The following GH2 variants were observed in gnomAD, a reference collection of about 807,000 sequenced individuals.
The protein encoded by GH2 is growth hormone variant.
GH2 carries 17 observed loss-of-function variants against 24.1 expected under a neutral mutation model. The ratio of observed to expected loss-of-function variants is 0.71; its 90% confidence interval spans 0.48 to 1.06. The LOEUF (loss-of-function observed/expected upper bound fraction) is 1.06. Among genes scored for constraint, GH2 ranks in the 50% least tolerant of loss-of-function variants. The pLI is 0.00. For missense variants in GH2, 305 were observed against 273.1 expected, an observed-to-expected ratio of 1.12 and a Z score of -0.82; for synonymous variants, 126 against 118.7, an observed-to-expected ratio of 1.06 and a Z score of -0.40.
chr17:63,881,724 C>T (rs1905549570), intron 1 of GH2, 68 bp downstream of exon 1: 3 of 1,611,968 alleles, frequency 1.9e-6, no homozygotes, highest in South Asian at 1.1e-5. Flanking sequence ...GTGCCCCCGT[C>T]CCATCTACAG....
In GH2 at chr17:63,880,247, G is replaced by C. The variant is rs770477308; in HGVS notation, c.*74C>G. The C allele has an allele frequency of 6.2e-7, 1 of 1,610,676 alleles. No homozygotes were observed. Among genetic ancestry groups the C allele is most frequent in the South Asian group, 1.1e-5 (1 of 90,974 alleles). The stretch of plus-strand genomic sequence containing the variant: ...ACTTAATTTTATTAGGACAAGGCTG[G>C]TGGGCACTGGAGTAGCACCTTCCAC... On this transcript the variant is annotated 3_prime_UTR_variant, in exon 5 of 5. Coordinates refer to ENST00000423893, the MANE Select transcript of GH2 (RefSeq NM_002059.5).
At position 63,880,826 on chromosome 17, in the gene GH2, G is replaced by T. The variant is rs1358436011; in HGVS notation, c.402C>A (p.Ser134Arg). The T allele has an allele frequency of 1.2e-6, 2 of 1,614,072 alleles. No individual in the cohort carries two copies. Among genetic ancestry groups the T allele is most frequent in the Admixed American group, 3.3e-5 (2 of 60,014 alleles). Residue 134 changes from serine (S) to arginine (R), a missense_variant, in exon 4 of 5, where the codon AGC becomes AGA. Ser to Arg is a moderately radical substitution (Grantham distance 110, BLOSUM62 -1). Transcript: ENST00000423893. ...GGTCCTTCAGGTGGCGATAGACGTT[G>T]CTGTCCGAGGCGCCATACACCAGGC... The part of the protein sequence containing the change: ...ANSLVYGASD[S>R]NVYRHLKDLE...
At chr17:63,881,583 C>T (rs1905536217) in intron 1 of GH2, 64 bp from the exon 2 acceptor site, 2 of 1,585,744 alleles carry the variant, frequency 1.3e-6, no homozygotes, top group East Asian at 4.5e-5. Context: ...TCTCCCTGTT[C>T]CAGGAGCTGG....
rs368403693 is a variant in GH2, at chr17:63,881,319, C to A, written c.171+40G>T. On this transcript the variant is annotated intron_variant, in intron 2 of 4. Coordinates refer to ENST00000423893, the MANE Select transcript of GH2 (RefSeq NM_002059.5). The stretch of plus-strand genomic sequence containing the variant: ...TCCCAGCGGGGGAAAGTCACCCCTT[C>A]CTGCCACCTCTGAAGCGCACCCATT... 10 of 1,613,208 alleles carry A rather than the reference C, an allele frequency of 6.2e-6. No individual in the cohort carries two copies. In the African/African-American group the frequency reaches 1.3e-4, roughly 22 times the overall value.
intron 1 of GH2, 110 bp from the exon 2 acceptor site, chr17:63,881,629 C>T (rs760578909): frequency 4.4e-6 from 7 of 1,605,058 alleles, no homozygotes; most frequent in Non-Finnish European, 6.0e-6. Flanking sequence ...TGCCTCCCTC[C>T]AGGGACCAGG....
rs1905508681 is a variant in GH2, at chr17:63,881,305, G to A, written c.171+54C>T. The A allele has an allele frequency of 4.3e-6, 7 of 1,611,922 alleles. No individual in the cohort carries two copies. In the East Asian group the frequency reaches 1.1e-4, roughly 26 times the overall value. ...CTCCTCCCATTACTTCCCAGCGGGGGAAAGTCACCCCTTCCTGCCACCTCT... is the reference window on the plus strand; with the variant it reads ...CTCCTCCCATTACTTCCCAGCGGGGAAAAGTCACCCCTTCCTGCCACCTCT... On this transcript the variant is annotated intron_variant, in intron 2 of 4. Transcript: ENST00000423893.
chr17:63,881,007 T>A, intron 3 of GH2, 22 bp downstream of exon 3: 3 of 1,614,052 alleles, frequency 1.9e-6, no homozygotes, highest in Non-Finnish European at 2.5e-6. Context: ...CATCCCCACC[T>A]GGGGAGAAGG....
At position 63,880,918 on chromosome 17, in the gene GH2, T is replaced by C. The variant is rs532323442; in HGVS notation, c.310A>G (p.Ile104Val). 168 of 1,614,058 alleles carry C rather than the reference T, an allele frequency of 1.0e-4. 2 individuals carry two copies. In the South Asian group the frequency reaches 1.7e-3, roughly 17 times the overall value. Residue 104 changes from isoleucine (I) to valine (V), a missense_variant, in exon 4 of 5, where the codon ATC becomes GTC. Coordinates refer to ENST00000423893, the MANE Select transcript of GH2 (RefSeq NM_002059.5). The part of the protein sequence containing the change: ...QQKSNLELLR[I>V]SLLLIQSWLE... ...CATGACTGGATGAGCAGCAGGGAGA[T>C]GCGGAGCAGCTCTAGGTTCTGCAGG... is the stretch of plus-strand genomic sequence containing the variant.
In GH2 at chr17:63,881,042, G is replaced by A. The variant is rs377217606; in HGVS notation, c.278C>T (p.Thr93Met). ...GCATCCACTCACAGATTTCTGCTGC[G>A]TTTTCACCCTGTTGGAAGGTGTTGG... ...SIPTPSNRVK[T>M]QQKSNLELLR... Residue 93 changes from threonine to methionine, a missense_variant, in exon 3 of 5, where the codon ACG becomes ATG. Coordinates refer to ENST00000423893, the MANE Select transcript of GH2 (RefSeq NM_002059.5). 4 of 1,614,056 alleles carry A rather than the reference G, an allele frequency of 2.5e-6. No homozygotes were observed. Among genetic ancestry groups the A allele is most frequent in the South Asian group, 1.1e-5 (1 of 91,082 alleles).
At chr17:63,881,602 T>TCTC in intron 1 of GH2, 83 bp from the exon 2 acceptor site, 1 of 1,561,740 alleles carries the variant, frequency 6.4e-7, no homozygotes, top group Non-Finnish European at 8.6e-7. Context: ...GGGTTTTTTT[T>TCTC]TTTCTCTCTC....
intron 1 of GH2, 31 bp from the exon 2 acceptor site, chr17:63,881,550 G>A (rs1465828046): frequency 6.2e-7 from 1 of 1,613,434 alleles, no homozygotes; most frequent in Non-Finnish European, 8.5e-7. Context: ...AACAGAGGGA[G>A]CTGGAGAGCA....
Position 63,881,786 on chromosome 17 carries a change from G to T in GH2, c.10+6C>A, listed in dbSNP as rs1360929438. 108 of 1,612,998 alleles carry T rather than the reference G, an allele frequency of 6.7e-5. 3 individuals carry two copies. Among genetic ancestry groups the T allele is most frequent in the Non-Finnish European group, 8.7e-5 (103 of 1,179,778 alleles). ...TTGTGCCCAAAGGGATTTTAGGGGCGCTTACCTGCAGCCATTGCCGCTAGG... is the reference window on the plus strand; with the variant it reads ...TTGTGCCCAAAGGGATTTTAGGGGCTCTTACCTGCAGCCATTGCCGCTAGG... On this transcript the variant is annotated splice_donor_region_variant and intron_variant, in intron 1 of 4. Transcript: ENST00000423893.
Position 63,880,342 on chromosome 17 carries a change from C to T in GH2, c.633G>A (p.Val211=). ...TFLRIVQCRS[V]EGSCGF The stretch of plus-strand genomic sequence containing the variant: ...GCAGCTAGAAGCCACAGCTGCCCTC[C>T]ACAGAGCGGCACTGCACGATGCGCA... Residue 211 remains valine (V), a synonymous_variant, in exon 5 of 5, where the codon GTG becomes GTA. Transcript: ENST00000423893. 6.2e-7 allele frequency: 1 copy of T among 1,613,856 alleles called. No homozygotes were observed. The highest frequency in any genetic ancestry group is 1.1e-5 in the South Asian group (1 of 91,062).
chr17:63,881,599 T>C lies in GH2; in HGVS notation c.11-80A>G, dbSNP rs562620209. 1.6e-5 allele frequency: 26 copies of C among 1,578,314 alleles called. No homozygotes were observed. The East Asian group carries it at 2.2e-4, about 14-fold the overall frequency. On this transcript the variant is annotated intron_variant, in intron 1 of 4. Coordinates refer to ENST00000423893, the MANE Select transcript of GH2 (RefSeq NM_002059.5). Reference sequence around the variant, plus strand: ...CTCCCTGTTCCAGGAGCTGGGTTTTTTTTTTTCTCTCTCTCTCTCTGCCTC... The same window carrying C: ...CTCCCTGTTCCAGGAGCTGGGTTTTCTTTTTTCTCTCTCTCTCTCTGCCTC...
chr17:63,881,411 A>C lies in GH2; in HGVS notation c.119T>G (p.Met40Arg). The C allele has an allele frequency of 6.2e-7, 1 of 1,614,052 alleles. No individual in the cohort carries two copies. Among genetic ancestry groups the C allele is most frequent in the Non-Finnish European group, 8.5e-7 (1 of 1,179,946 alleles). ...CTGGTACAGGCGACGGGCGCGGAGC[A>C]TAGCGTTGTCAAAAAGCCTGGATAA... The part of the protein sequence containing the change: ...IPLSRLFDNA[M>R]LRARRLYQLA... The change falls in exon 2 of 5, where the codon ATG (methionine) becomes AGG (arginine). Residue 40 changes from methionine to arginine, a missense_variant. Physicochemically the swap from Met to Arg is moderately conservative, Grantham distance 91. Coordinates refer to ENST00000423893, the MANE Select transcript of GH2 (RefSeq NM_002059.5).
At position 63,881,149 on chromosome 17, in the gene GH2, C is replaced by T. The variant is rs575439093; in HGVS notation, c.172-1G>A. The T allele has an allele frequency of 6.2e-7, 1 of 1,614,082 alleles. No individual in the cohort carries two copies. Among genetic ancestry groups the T allele is most frequent in the Non-Finnish European group, 8.5e-7 (1 of 1,179,954 alleles). ...GCTCCTTCAGGATATAGGCTTCTTC[C>T]TAGGAGAAGGACCGCCCACCAAGGT... On this transcript the variant is annotated splice_acceptor_variant, in intron 2 of 4. Coordinates refer to ENST00000423893, the MANE Select transcript of GH2 (RefSeq NM_002059.5). LOFTEE classifies it high-confidence loss of function.
intron 2 of GH2, 89 bp downstream of exon 2, chr17:63,881,270 G>A (rs1905506368): frequency 1.2e-6 from 2 of 1,609,802 alleles, no homozygotes; most frequent in Non-Finnish European, 8.5e-7. Flanking sequence ...ACAACCCTGA[G>A]CTCCTTAGTC....
chr17:63,880,393 C>T lies in GH2; in HGVS notation c.582G>A (p.Lys194=), dbSNP rs1487842283. 6.2e-7 allele frequency: 1 copy of T among 1,613,818 alleles called. No individual in the cohort carries two copies. Among genetic ancestry groups the T allele is most frequent in the Admixed American group, 1.7e-5 (1 of 60,006 alleles). Residue 194 remains lysine, a synonymous_variant, in exon 5 of 5, where the codon AAG becomes AAA. Coordinates refer to ENST00000423893, the MANE Select transcript of GH2 (RefSeq NM_002059.5). ...KNYGLLYCFR[K]DMDKVETFLR... Reference sequence around the variant, plus strand: ...GGAATGTCTCGACCTTGTCCATGTCCTTCCTGAAGCAGTAGAGCAGCCCGT... The same window carrying T: ...GGAATGTCTCGACCTTGTCCATGTCTTTCCTGAAGCAGTAGAGCAGCCCGT...
At position 63,880,754 on chromosome 17, in the gene GH2, C is replaced by T; in HGVS notation, c.456+18G>A. 6.2e-7 allele frequency: 1 copy of T among 1,614,062 alleles called. No homozygotes were observed. Among genetic ancestry groups the T allele is most frequent in the Non-Finnish European group, 8.5e-7 (1 of 1,179,950 alleles). On this transcript the variant is annotated intron_variant, in intron 4 of 4. Transcript: ENST00000423893. ...CCAGTGGGGCCCCAGGATTGGGGATCCCTGGTGCCACCCTCACCCACATCA... is the reference window on the plus strand; with the variant it reads ...CCAGTGGGGCCCCAGGATTGGGGATTCCTGGTGCCACCCTCACCCACATCA...
Sources: allele counts gnomAD v4.1 joint callset, GRCh38; gene constraint gnomAD v4.1.1; transcripts MANE v1.5; gene names NCBI Gene and HGNC (gene_info 2026-07-23, HGNC 2026-07-21).